Variants in KCNN2 observed in about 807,000 individuals in gnomAD.
KCNN2 encodes the protein potassium calcium-activated channel subfamily N member 2, also known as small conductance calcium-activated potassium channel protein 2.
Under a neutral mutation model 55.5 loss-of-function variants are expected in KCNN2, and 24 were observed. That is an observed-to-expected ratio of 0.43 (90% CI 0.31 to 0.61). KCNN2 has a LOEUF of 0.61. Among genes scored for constraint, KCNN2 ranks in the 20% least tolerant of loss-of-function variants. The pLI is 0.08. For synonymous variants in KCNN2, 431 were observed against 336.1 expected, an observed-to-expected ratio of 1.28 and a Z score of -3.09; for missense variants, 754 against 853.6, an observed-to-expected ratio of 0.88 and a Z score of 1.45.
intron 2 of KCNN2, among the ~76,000 whole-genome samples, chr5:114,328,374 G>A (rs1484680345): frequency 1.1e-4 from 16 of 152,112 alleles, no homozygotes; most frequent in Non-Finnish European, 2.4e-4. Context: ...AACTGATAAA[G>A]CCACGAAGTA....
chr5:114,279,019 T>G (rs2150011973), intron 2 of KCNN2, among the ~76,000 whole-genome samples: 1 of 27,906 alleles, frequency 3.6e-5, no homozygotes, highest in Middle Eastern at 0.028. Context: ...CCCCTAGTTC[T>G]CATTTTTTTT....
intron 1 of KCNN2, among the ~76,000 whole-genome samples, chr5:114,063,213 G>A (rs1185892848): frequency 1.3e-5 from 2 of 152,154 alleles, no homozygotes; most frequent in Non-Finnish European, 2.9e-5. Flanking sequence ...ACAAATGACT[G>A]ACAAAAACTA....
intron 1 of KCNN2, among the ~76,000 whole-genome samples, chr5:114,083,799 A>T (rs761204786): frequency 6.6e-6 from 1 of 152,144 alleles, no homozygotes; most frequent in South Asian, 2.1e-4. Context: ...ATTACAAATG[A>T]TAGTTTCACT....
At chr5:114,182,254 T>G (rs1392260586) in intron 1 of KCNN2, among the ~76,000 whole-genome samples, 2 of 152,254 alleles carry the variant, frequency 1.3e-5, no homozygotes, top group South Asian at 2.1e-4. Flanking sequence ...ATTGATCTAG[T>G]TGTTGATCCT....
chr5:114,198,365 T>G (rs1171286261), intron 1 of KCNN2, among the ~76,000 whole-genome samples: 1 of 150,252 alleles, frequency 6.7e-6, no homozygotes, highest in East Asian at 1.9e-4. Flanking sequence ...CATAGGTGTG[T>G]ATATATACAT....
At chr5:114,296,225 C>T (rs1440711065) in intron 2 of KCNN2, among the ~76,000 whole-genome samples, 1 of 152,150 alleles carries the variant, frequency 6.6e-6, no homozygotes, top group African/African-American at 2.4e-5. Flanking sequence ...GAATGAGTAA[C>T]CTCTTATAGC....
At chr5:114,418,096 T>C (rs1265554969) in intron 3 of KCNN2, among the ~76,000 whole-genome samples, 5 of 152,086 alleles carry the variant, frequency 3.3e-5, no homozygotes, top group Non-Finnish European at 7.4e-5. Flanking sequence ...AATTTAACCC[T>C]ACAAAGGGTC....
intron 1 of KCNN2, among the ~76,000 whole-genome samples, chr5:114,065,075 A>G (rs1459880350): frequency 6.6e-6 from 1 of 152,214 alleles, no homozygotes; most frequent in African/African-American, 2.4e-5. Context: ...GGATGGATAC[A>G]CTATGTCACA....
At chr5:114,074,331 C>CGT (rs1750642247) in intron 1 of KCNN2, among the ~76,000 whole-genome samples, 2 of 114,160 alleles carry the variant, frequency 1.8e-5, no homozygotes, top group African/African-American at 3.7e-5. Flanking sequence ...TGTGTGTGTG[C>CGT]GCGCGCGCGC....
chr5:114,141,554 C>A (rs1752280859), intron 1 of KCNN2, among the ~76,000 whole-genome samples: 1 of 152,038 alleles, frequency 6.6e-6, no homozygotes, highest in Non-Finnish European at 1.5e-5. Flanking sequence ...GGGTTGGTTC[C>A]AAGTCTTTGC....
intron 3 of KCNN2, among the ~76,000 whole-genome samples, chr5:114,449,908 A>ACGCGCGCG (rs34988174): frequency 1.2e-4 from 8 of 66,144 alleles, no homozygotes; most frequent in East Asian, 3.1e-3. Context: ...ACACACACAC[A>ACGCGCGCG]CGCGCGCGCT....
chr5:114,317,393 T>C (rs985191497), intron 2 of KCNN2, among the ~76,000 whole-genome samples: 1 of 152,204 alleles, frequency 6.6e-6, no homozygotes, highest in Non-Finnish European at 1.5e-5. Context: ...TAACTTTGAC[T>C]TCAGAGATCC....
intron 6 of KCNN2, among the ~76,000 whole-genome samples, chr5:114,491,388 G>A (rs1747844399): frequency 6.6e-6 from 1 of 151,892 alleles, no homozygotes; most frequent in Admixed American, 6.6e-5. Flanking sequence ...TATACAAATG[G>A]ATTAAAAAAT....
chr5:114,455,719 G>A (rs951660796), intron 3 of KCNN2, among the ~76,000 whole-genome samples: 2 of 152,226 alleles, frequency 1.3e-5, no homozygotes, highest in African/African-American at 4.8e-5. Flanking sequence ...GAAATTAAAA[G>A]TGCTACTCCA....
At chr5:114,369,161 C>A (rs1757690475) in intron 2 of KCNN2, among the ~76,000 whole-genome samples, 1 of 152,186 alleles carries the variant, frequency 6.6e-6, no homozygotes, top group African/African-American at 2.4e-5. Flanking sequence ...TCTGCTTTCT[C>A]ACACGTTATT....
chr5:114,312,292 A>G (rs1756403505), intron 2 of KCNN2, among the ~76,000 whole-genome samples: 1 of 150,894 alleles, frequency 6.6e-6, no homozygotes, highest in Non-Finnish European at 1.5e-5. Flanking sequence ...CAACCAATGC[A>G]ATAAATTACT....
chr5:114,107,805 A>G (rs1478134791), intron 1 of KCNN2, among the ~76,000 whole-genome samples: 3 of 152,088 alleles, frequency 2.0e-5, no homozygotes, highest in African/African-American at 7.2e-5. Context: ...TTTGGAATCA[A>G]TTGACAACTT....
chr5:114,450,407 A>C (rs1237628837), intron 3 of KCNN2, among the ~76,000 whole-genome samples: 1 of 152,140 alleles, frequency 6.6e-6, no homozygotes, highest in Non-Finnish European at 1.5e-5. Flanking sequence ...GAATGAATAG[A>C]GGTTGCCCCG....
intron 2 of KCNN2, among the ~76,000 whole-genome samples, chr5:114,264,787 G>A (rs187264789): frequency 6.6e-6 from 1 of 152,256 alleles, no homozygotes; most frequent in Admixed American, 6.5e-5. Context: ...AGGGCAGCAT[G>A]CCACCAGAGG....
Sources: allele counts gnomAD v4.1 joint callset (sites outside exome capture counted in the v4.1 genomes callset), GRCh38; gene constraint gnomAD v4.1.1; transcripts MANE v1.5; gene names NCBI Gene and HGNC (gene_info 2026-07-23, HGNC 2026-07-21).